Variants in ZNF628 observed in about 807,000 individuals in gnomAD.
ZNF628 encodes zinc finger protein Zec.
In ZNF628, 3 loss-of-function variants were observed where a neutral mutation model predicts 2.5. That is an observed-to-expected ratio of 1.19 (90% CI 0.54 to 3.07). The LOEUF (loss-of-function observed/expected upper bound fraction) is 3.07, where lower values mean the gene tolerates loss of function less well. Among genes scored for constraint, ZNF628 ranks in the 30% most tolerant of loss-of-function variants. ZNF628 has a pLI of 0.03. For missense variants in ZNF628, 1,610 were observed against 1,517.1 expected (o/e 1.06, Z -1.02); for synonymous variants, 861 against 717.1 (o/e 1.20, Z -3.21).
In ZNF628 at chr19:55,482,155, C is replaced by T. The variant is rs1470590460; in HGVS notation, c.962C>T (p.Ala321Val). ...LEHQPCPGPDAAPQPQEAPAE... is the reference protein window; with the variant it reads ...LEHQPCPGPDVAPQPQEAPAE... ...CACCAGCCGTGCCCCGGGCCCGATG[C>T]GGCGCCCCAGCCCCAGGAGGCACCC... The change falls in exon 3 of 3, where the codon GCG (alanine) becomes GTG (valine). Residue 321 changes from alanine to valine, a missense_variant. By Grantham distance (64) the Ala-to-Val change is moderately conservative. Transcript: ENST00000598519. 4.0e-6 allele frequency: 6 copies of T among 1,499,012 alleles called. No individual in the cohort carries two copies. The highest frequency in any genetic ancestry group is 2.8e-5 in the East Asian group (1 of 36,150). 92.9% of individuals were successfully genotyped at this position (1,499,012 alleles called of 1,614,324 possible). A position where few individuals can be genotyped will look rare whatever the true frequency, so the allele number is the denominator to read the frequency against.
Position 55,482,256 on chromosome 19 carries a change from G to C in ZNF628, c.1063G>C (p.Gly355Arg), listed in dbSNP as rs761495000. The change falls in exon 3 of 3, where the codon GGC becomes CGC. Residue 355 changes from glycine to arginine, a missense_variant. Gly to Arg is a moderately radical substitution (Grantham distance 125). Around this residue, in one of 5 missense-constraint regions of ZNF628, gnomAD observed 651 missense variants for 575.6 expected, o/e 1.13. Coordinates refer to ENST00000598519, the MANE Select transcript of ZNF628 (RefSeq NM_033113.3). ...TCCTCCCGCCGCCGCCCCCGCGCCT[G>C]GCTTTGCCTGTCTGCCCTGCGGCAA... ...PPPPAAAPAP[G>R]FACLPCGKSF... 6.8e-7 allele frequency: 1 copy of C among 1,460,972 alleles called. No homozygotes were observed. The highest frequency in any genetic ancestry group is 9.0e-7 in the Non-Finnish European group (1 of 1,113,726). The allele number at this position is 1,460,972 out of a possible 1,614,324, so 90.5% of individuals were successfully genotyped here.
chr19:55,484,074 C>T lies in ZNF628; in HGVS notation c.2881C>T (p.Leu961=), dbSNP rs1681094465. 1 of 1,592,192 alleles carries T rather than the reference C, an allele frequency of 6.3e-7. No homozygotes were observed. The change falls in exon 3 of 3, where the codon CTG becomes TTG. Residue 961 remains leucine, a synonymous_variant. Coordinates refer to ENST00000598519, the MANE Select transcript of ZNF628 (RefSeq NM_033113.3). ...VQEVETLPPG[L]TEPPATGPPG... ...GGAGGTAGAAACACTTCCTCCTGGGCTGACGGAGCCGCCTGCCACCGGCCC... is the reference window on the plus strand; with the variant it reads ...GGAGGTAGAAACACTTCCTCCTGGGTTGACGGAGCCGCCTGCCACCGGCCC...
At chr19:55,478,867 G>A (rs964501700) in intron 1 of ZNF628, among the ~76,000 whole-genome samples, 1 of 152,228 alleles carries the variant, frequency 6.6e-6, no homozygotes, top group African/African-American at 2.4e-5. Context: ...CAGAGATGGA[G>A]AAGCTATGGG....
At position 55,483,388 on chromosome 19, in the gene ZNF628, C is replaced by T. The variant is rs1246517141; in HGVS notation, c.2195C>T (p.Thr732Ile). 1 of 1,536,876 alleles carries T rather than the reference C, an allele frequency of 6.5e-7. No homozygotes were observed. The highest frequency in any genetic ancestry group is 8.7e-7 in the Non-Finnish European group (1 of 1,143,418). Residue 732 changes from threonine to isoleucine, a missense_variant, in exon 3 of 3, where the codon ACA becomes ATA. By Grantham distance (89) the Thr-to-Ile change is moderately conservative. Coordinates refer to ENST00000598519, the MANE Select transcript of ZNF628 (RefSeq NM_033113.3). ...QLIPSSVQPP[T>I]PPPPPAPPKL... ...ATCCCCAGCAGCGTGCAGCCCCCTA[C>T]ACCTCCGCCCCCTCCCGCACCTCCC...
At position 55,483,281 on chromosome 19, in the gene ZNF628, G is replaced by A. The variant is rs1192979646; in HGVS notation, c.2088G>A (p.Thr696=). The A allele has an allele frequency of 2.0e-5, 30 of 1,515,574 alleles. No individual in the cohort carries two copies. Among genetic ancestry groups the A allele is most frequent in the Non-Finnish European group, 2.6e-5 (29 of 1,136,118 alleles). The allele number at this position is 1,515,574 out of a possible 1,614,324, so 93.9% of individuals were successfully genotyped here. ...ATLSLEVAGG[T]AQAPSLGPAA... is the part of the protein sequence containing the mutation. ...TCTCCCTCGAGGTGGCGGGGGGCAC[G>A]GCCCAGGCCCCGAGCTTGGGGCCAG... The change falls in exon 3 of 3, where the codon ACG becomes ACA. Residue 696 remains threonine (T), a synonymous_variant. Transcript: ENST00000598519.
chr19:55,478,099 T>C (rs1986606759), intron 1 of ZNF628, among the ~76,000 whole-genome samples: 1 of 151,792 alleles, frequency 6.6e-6, no homozygotes, highest in Non-Finnish European at 1.5e-5. Flanking sequence ...CATAGGCCAA[T>C]GTCAGGCGTC....
In ZNF628 at chr19:55,479,558, G is replaced by A. The variant is rs192503501; in HGVS notation, c.-77-276G>A. Among the ~76,000 whole-genome samples the A allele has an allele frequency of 1.8e-4, 28 of 152,258 alleles. No homozygotes were observed. The highest frequency in any genetic ancestry group is 5.3e-4 in the African/African-American group (22 of 41,534). Reference sequence around the variant, plus strand: ...GGTCAGGCCTGTGGGGAAGGATTGCGCAGGGTTTCTGGACCTCGCACTGCT... The same window carrying A: ...GGTCAGGCCTGTGGGGAAGGATTGCACAGGGTTTCTGGACCTCGCACTGCT... On this transcript the variant is annotated intron_variant, in intron 1 of 2. Coordinates refer to ENST00000598519, the MANE Select transcript of ZNF628 (RefSeq NM_033113.3). This position sits in a 1 kb window ranked among gnomAD's most constrained non-coding sequence, Gnocchi z 5.1.
In ZNF628 at chr19:55,481,950, G is replaced by A. The variant is rs763898161; in HGVS notation, c.757G>A (p.Asp253Asn). 34 of 1,470,082 alleles carry A rather than the reference G, an allele frequency of 2.3e-5. No individual in the cohort carries two copies. Among genetic ancestry groups the A allele is most frequent in the Admixed American group, 7.2e-5 (3 of 41,572 alleles). 91.1% of individuals were successfully genotyped at this position (1,470,082 alleles called of 1,614,324 possible). Residue 253 changes from aspartate (D) to asparagine (N), a missense_variant, in exon 3 of 3, where the codon GAC becomes AAC. Coordinates refer to ENST00000598519, the MANE Select transcript of ZNF628 (RefSeq NM_033113.3). ...SREPGKVFVC[D>N]AYLQRHLQPH... is the part of the protein sequence containing the mutation. The stretch of plus-strand genomic sequence containing the variant: ...GGAGCCCGGCAAGGTCTTCGTGTGC[G>A]ACGCCTACCTGCAGCGGCACCTCCA...
rs144143010 is a variant in ZNF628, at chr19:55,481,379, G to C, written c.186G>C (p.Arg62=). 2.5e-5 allele frequency: 41 copies of C among 1,612,216 alleles called. No homozygotes were observed. In the African/African-American group the frequency reaches 5.4e-4, roughly 21 times the overall value. The change falls in exon 3 of 3, where the codon CGG becomes CGC. Residue 62 remains arginine (R), a synonymous_variant. Transcript: ENST00000598519. ...ACCAGCGCACGCACACAGGCGAGCG[G>C]CCCTACAAGTGCCCAGACTGCCCCA... ...LHHQRTHTGE[R]PYKCPDCPKA... is the part of the protein sequence containing the mutation.
In ZNF628 at chr19:55,483,387, A is replaced by G. The variant is rs375185481; in HGVS notation, c.2194A>G (p.Thr732Ala). 2.6e-6 allele frequency: 4 copies of G among 1,539,950 alleles called. No individual in the cohort carries two copies. In the East Asian group the frequency reaches 9.8e-5, roughly 38 times the overall value. Reference protein sequence around the residue: ...QLIPSSVQPPTPPPPPAPPKL... With the variant: ...QLIPSSVQPPAPPPPPAPPKL... The stretch of plus-strand genomic sequence containing the variant: ...GATCCCCAGCAGCGTGCAGCCCCCT[A>G]CACCTCCGCCCCCTCCCGCACCTCC... The change falls in exon 3 of 3, where the codon ACA becomes GCA. Residue 732 changes from threonine (T) to alanine (A), a missense_variant. Around this residue, in one of 5 missense-constraint regions of ZNF628, gnomAD observed 712 missense variants for 603.6 expected, o/e 1.18. Transcript: ENST00000598519.
At position 55,482,406 on chromosome 19, in the gene ZNF628, C is replaced by A. The variant is rs1247325489; in HGVS notation, c.1213C>A (p.Gln405Lys). The change falls in exon 3 of 3, where the codon CAG becomes AAG. Residue 405 changes from glutamine to lysine, a missense_variant. By Grantham distance (53) the Gln-to-Lys change is moderately conservative. Around this residue, in one of 5 missense-constraint regions of ZNF628, gnomAD observed 651 missense variants for 575.6 expected, o/e 1.13. Coordinates refer to ENST00000598519, the MANE Select transcript of ZNF628 (RefSeq NM_033113.3). ...GCAGCTGGCCAGCCTCCTGGCGCAT[C>A]AGCAGTGCCACGTGGAAGAGGCCGC... ...FPQLASLLAH[Q>K]QCHVEEAAAG... The A allele has an allele frequency of 7.2e-7, 1 of 1,395,332 alleles. No individual in the cohort carries two copies. 86.4% of individuals were successfully genotyped at this position (1,395,332 alleles called of 1,614,324 possible). A position where few individuals can be genotyped will look rare whatever the true frequency, so the allele number is the denominator to read the frequency against.
In ZNF628 at chr19:55,483,714, A is replaced by G. The variant is rs995261941; in HGVS notation, c.2521A>G (p.Thr841Ala). The G allele has an allele frequency of 3.1e-6, 5 of 1,612,860 alleles. No homozygotes were observed. The highest frequency in any genetic ancestry group is 4.2e-6 in the Non-Finnish European group (5 of 1,179,466). ...TVQLQPAQEVTTVQLQPAQEV... is the reference protein window; with the variant it reads ...TVQLQPAQEVATVQLQPAQEV... ...CCAGCTCCAGCCAGCGCAGGAGGTG[A>G]CCACAGTCCAGCTCCAGCCAGCACA... Residue 841 changes from threonine to alanine, a missense_variant, in exon 3 of 3, where the codon ACC becomes GCC. By Grantham distance (58) the Thr-to-Ala change is moderately conservative. This residue lies in a region of ZNF628 where 712 missense variants were observed against 603.6 expected (regional missense o/e 1.18). Transcript: ENST00000598519.
chr19:55,481,213 G>A lies in ZNF628; in HGVS notation c.20G>A (p.Gly7Asp). The A allele has an allele frequency of 6.5e-7, 1 of 1,549,886 alleles. No homozygotes were observed. The highest frequency in any genetic ancestry group is 8.7e-7 in the Non-Finnish European group (1 of 1,150,870). The change falls in exon 3 of 3, where the codon GGC (glycine) becomes GAC (aspartate). Residue 7 changes from glycine (G) to aspartate (D), a missense_variant. Physicochemically the swap from Gly to Asp is moderately conservative, Grantham distance 94. This residue lies in a region of ZNF628 where 60 missense variants were observed against 46.8 expected (regional missense o/e 1.28). Coordinates refer to ENST00000598519, the MANE Select transcript of ZNF628 (RefSeq NM_033113.3). MSGVMV[G>D]SHADMAPAST... is the part of the protein sequence containing the mutation. ...ATCCCTCCCCCAGGTGTGATGGTCG[G>A]CTCCCACGCGGACATGGCGCCGGCC...
chr19:55,481,915 C>G lies in ZNF628; in HGVS notation c.722C>G (p.Pro241Arg), dbSNP rs759095500. ...GGTACCGCCTCCGCGGCCCCGCCCC[C>G]CCAGTCCCGGGAGCCCGGCAAGGTC... Reference protein sequence around the residue: ...APGTASAAPPPQSREPGKVFV... With the variant: ...APGTASAAPPRQSREPGKVFV... The change falls in exon 3 of 3, where the codon CCC (proline) becomes CGC (arginine). Residue 241 changes from proline to arginine, a missense_variant. This residue lies in a region of ZNF628 where 651 missense variants were observed against 575.6 expected (regional missense o/e 1.13). Transcript: ENST00000598519. 5 of 1,482,320 alleles carry G rather than the reference C, an allele frequency of 3.4e-6. No individual in the cohort carries two copies. In the African/African-American group the frequency reaches 4.4e-5, roughly 13 times the overall value. 91.8% of individuals were successfully genotyped at this position (1,482,320 alleles called of 1,614,324 possible).
At position 55,482,817 on chromosome 19, in the gene ZNF628, G is replaced by T; in HGVS notation, c.1624G>T (p.Glu542Ter). 1 of 1,611,168 alleles carries T rather than the reference G, an allele frequency of 6.2e-7. No individual in the cohort carries two copies. The highest frequency in any genetic ancestry group is 8.5e-7 in the Non-Finnish European group (1 of 1,178,588). The change falls in exon 3 of 3, where the codon GAG becomes TAG. Residue 542 changes from glutamate (E) to a stop codon, truncating the protein, a stop_gained. Transcript: ENST00000598519. LOFTEE classifies it low-confidence loss of function (END_TRUNC). ...TGGCGAGCGGCCCTACGCCTGCGGG[G>T]AGTGTGGCAAGGCCTTCCGCAACAC... ...HSGERPYACG[E>*]CGKAFRNTSC...
intron 1 of ZNF628, among the ~76,000 whole-genome samples, chr19:55,477,955 G>T (rs1747168981): frequency 6.6e-6 from 1 of 152,174 alleles, no homozygotes. Context: ...TGGGGAGGCA[G>T]AATAAAACAG....
Position 55,480,230 on chromosome 19 carries a change from T to A in ZNF628, c.7+313T>A, listed in dbSNP as rs74257502. 0.01 allele frequency among the ~76,000 whole-genome samples: 1,512 copies of A among 147,462 alleles called. 94 individuals carry two copies. The East Asian group carries it at 0.19, about 18-fold the overall frequency. On this transcript the variant is annotated intron_variant, in intron 2 of 2. Transcript: ENST00000598519. ...AAGTAGGTTGTTCCAGGCTCAACCA[T>A]GAGGACACTTTTTTTTTCCTTTTTT...
rs757653578 is a variant in ZNF628 at position 55,483,966 on chromosome 19, G to C, written c.2773G>C (p.Glu925Gln). 12 of 1,574,066 alleles carry C rather than the reference G, an allele frequency of 7.6e-6. No homozygotes were observed. The highest frequency in any genetic ancestry group is 4.6e-5 in the East Asian group (2 of 43,776). Residue 925 changes from glutamate to glutamine, a missense_variant, in exon 3 of 3, where the codon GAG becomes CAG. Around this residue, in one of 5 missense-constraint regions of ZNF628, gnomAD observed 712 missense variants for 603.6 expected, o/e 1.18. Coordinates refer to ENST00000598519, the MANE Select transcript of ZNF628 (RefSeq NM_033113.3). ...TGGTGTGGTCCAGGATGTCCTCTTT[G>C]AGACACTCCAGACGGACGAGGGCTT... ...STGVVQDVLFETLQTDEGLQS... is the reference protein window; with the variant it reads ...STGVVQDVLFQTLQTDEGLQS...
rs1986752101 is a variant in ZNF628 at position 55,482,496 on chromosome 19, C to T, written c.1303C>T (p.Pro435Ser). ...EVTCPQEPLA[P>S]AAPVPPPPPS... ...GACCTGCCCCCAGGAACCGCTGGCG[C>T]CTGCCGCCCCCGTCCCGCCGCCACC... The change falls in exon 3 of 3, where the codon CCT (proline) becomes TCT (serine). Residue 435 changes from proline (P) to serine (S), a missense_variant. This residue lies in a region of ZNF628 where 651 missense variants were observed against 575.6 expected (regional missense o/e 1.13). Coordinates refer to ENST00000598519, the MANE Select transcript of ZNF628 (RefSeq NM_033113.3). 6.9e-6 allele frequency: 10 copies of T among 1,447,892 alleles called. No individual in the cohort carries two copies. Among genetic ancestry groups the T allele is most frequent in the Non-Finnish European group, 8.2e-6 (9 of 1,104,234 alleles). The allele number at this position is 1,447,892 out of a possible 1,614,324, so 89.7% of individuals were successfully genotyped here.
Sources: allele counts gnomAD v4.1 joint callset (sites outside exome capture counted in the v4.1 genomes callset), GRCh38; gene constraint gnomAD v4.1.1; regional missense constraint gnomAD v4.1.1; non-coding constraint Gnocchi (gnomAD v3.1); transcripts MANE v1.5; gene names NCBI Gene and HGNC (gene_info 2026-07-23, HGNC 2026-07-21).